Variants in ATRN observed in about 807,000 individuals in gnomAD.
ATRN encodes attractin-2.
Under a neutral mutation model 178.7 loss-of-function variants are expected in ATRN, and 54 were observed. The observed-to-expected ratio is 0.30, with a 90% confidence interval of 0.24 to 0.38. ATRN has a LOEUF of 0.38. Among genes scored for constraint, ATRN ranks in the 10% least tolerant of loss-of-function variants. The probability of loss-of-function intolerance (pLI) is 1.00; values close to 1 mark genes in which losing one functional copy is unlikely to be tolerated. For synonymous variants in ATRN, 636 were observed against 663.0 expected, an observed-to-expected ratio of 0.96 and a Z score of 0.63; for missense variants, 1,443 against 1,815.1, an observed-to-expected ratio of 0.79 and a Z score of 3.73.
chr20:3,565,803 A>G (rs1352626414), intron 11 of ATRN, among the ~76,000 whole-genome samples: 1 of 146,596 alleles, frequency 6.8e-6, no homozygotes, highest in Non-Finnish European at 1.5e-5. Flanking sequence ...TCTCAAAAAA[A>G]AAAAAAAAAA....
chr20:3,563,084 A>G (rs779266968), intron 9 of ATRN, 125 bp from the exon 10 acceptor site: 68 of 813,100 alleles, frequency 8.4e-5, no homozygotes, highest in Non-Finnish European at 1.1e-4. Context: ...TATGTAGGGA[A>G]AACTCTGGAA....
chr20:3,600,515 GGTTTCA>G (rs1478494536), intron 22 of ATRN, among the ~76,000 whole-genome samples: 1 of 152,014 alleles, frequency 6.6e-6, no homozygotes, highest in Non-Finnish European at 1.5e-5. Context: ...GAATTATATG[GGTTTCA>G]GTTATAAATA....
chr20:3,605,026 G>A (rs1254233332), intron 24 of ATRN, among the ~76,000 whole-genome samples: 2 of 152,166 alleles, frequency 1.3e-5, no homozygotes, highest in African/African-American at 2.4e-5. Flanking sequence ...GTTAGGGATA[G>A]GTGGGCTTTC....
intron 2 of ATRN, 95 bp from the exon 3 acceptor site, chr20:3,540,127 A>T: frequency 1.5e-6 from 1 of 677,236 alleles, no homozygotes; most frequent in Non-Finnish European, 2.5e-6. Context: ...AGACTGTGTT[A>T]CATATTATTA....
In ATRN at chr20:3,645,825, C is replaced by A. The variant is rs1181426695; in HGVS notation, c.4166-898C>A. On this transcript the variant is annotated intron_variant, in intron 28 of 28. Transcript: ENST00000262919. This position sits in a 1 kb window ranked among gnomAD's most constrained non-coding sequence, Gnocchi z 4.7. ...TCCACTAACACAACTCCTGGCAGGT[C>A]TCAGCAGAGCTCCGAGCCTGCGCTG... Among the ~76,000 whole-genome samples the A allele has an allele frequency of 1.3e-5, 2 of 151,880 alleles. No individual in the cohort carries two copies. The highest frequency in any genetic ancestry group is 2.9e-5 in the Non-Finnish European group (2 of 68,002).
intron 8 of ATRN, among the ~76,000 whole-genome samples, chr20:3,561,759 GTT>G: frequency 6.6e-6 from 1 of 152,222 alleles, no homozygotes; most frequent in African/African-American, 2.4e-5. Context: ...ACAGGCTCTT[GTT>G]CTCTCACACA....
intron 1 of ATRN, among the ~76,000 whole-genome samples, chr20:3,477,827 C>G (rs181597465): frequency 9.0e-4 from 137 of 152,376 alleles, no homozygotes; most frequent in African/African-American, 3.1e-3. Context: ...ACCCACATGA[C>G]TGCCATATAT....
chr20:3,495,352 G>T (rs929688217), intron 1 of ATRN, among the ~76,000 whole-genome samples: 2 of 152,288 alleles, frequency 1.3e-5, no homozygotes, highest in South Asian at 2.1e-4. Context: ...GGACACCAAT[G>T]CAGTGCTGGA....
chr20:3,495,731 C>A (rs1333883215), intron 1 of ATRN, among the ~76,000 whole-genome samples: 13 of 150,934 alleles, frequency 8.6e-5, no homozygotes, highest in African/African-American at 3.2e-4. Context: ...GGAGGAATAG[C>A]TATGTACTAC....
chr20:3,515,745 T>C (rs2085198120), intron 1 of ATRN, among the ~76,000 whole-genome samples: 1 of 152,172 alleles, frequency 6.6e-6, no homozygotes, highest in South Asian at 2.1e-4. Flanking sequence ...GCAACAGCTC[T>C]TCTGTAAGCT....
Position 3,544,468 on chromosome 20 carries a change from C to T in ATRN, c.609-1294C>T, listed in dbSNP as rs238686. Among the ~76,000 whole-genome samples the T allele has an allele frequency of 8.4e-3, 1,282 of 152,006 alleles. 11 individuals carry two copies. Among genetic ancestry groups the T allele is most frequent in the African/African-American group, 0.017 (718 of 41,434 alleles). ...TGTGTCTGGGACAGATTGCGTAGGG[C>T]CTGGCAAGGATATAGGCTTTTACCA... On this transcript the variant is annotated intron_variant, in intron 3 of 28. Transcript: ENST00000262919.
At chr20:3,486,284 G>A (rs1303609339) in intron 1 of ATRN, among the ~76,000 whole-genome samples, 2 of 152,050 alleles carry the variant, frequency 1.3e-5, no homozygotes, top group African/African-American at 2.4e-5. Context: ...TTTTACCACT[G>A]CCCCATTCCC....
chr20:3,589,354 C>T (rs902965790), intron 18 of ATRN, among the ~76,000 whole-genome samples: 2 of 151,806 alleles, frequency 1.3e-5, no homozygotes, highest in Non-Finnish European at 1.5e-5. Context: ...TCCTGTTTAA[C>T]CTGTTAACGA....
chr20:3,554,304 T>TA (rs1184435239), intron 6 of ATRN, among the ~76,000 whole-genome samples: 24 of 141,622 alleles, frequency 1.7e-4, no homozygotes, highest in Admixed American at 2.9e-4. Flanking sequence ...AGATTACAGA[T>TA]TTTTATTTAT....
intron 22 of ATRN, among the ~76,000 whole-genome samples, chr20:3,599,348 AT>A (rs1249212891): frequency 6.6e-6 from 1 of 152,234 alleles, no homozygotes. Flanking sequence ...AAAAATAAAT[AT>A]AGTAGAATCT....
chr20:3,482,012 TCA>T (rs1405089922), intron 1 of ATRN, among the ~76,000 whole-genome samples: 2 of 151,848 alleles, frequency 1.3e-5, no homozygotes, highest in Non-Finnish European at 2.9e-5. Flanking sequence ...ATTTTTAAAT[TCA>T]CAGATCCTTT....
At chr20:3,571,877 T>C (rs141370091) in intron 11 of ATRN, among the ~76,000 whole-genome samples, 3 of 152,332 alleles carry the variant, frequency 2.0e-5, no homozygotes, top group Admixed American at 1.3e-4. Flanking sequence ...TTCTGGATTT[T>C]AAGTCAGTTT....
chr20:3,592,472 T>C, intron 19 of ATRN: 1 of 978,290 alleles, frequency 1.0e-6, no homozygotes. Context: ...CTGCAAGCAA[T>C]AGGACATTTT....
chr20:3,588,558 G>A (rs1158046466), intron 18 of ATRN, among the ~76,000 whole-genome samples: 1 of 152,134 alleles, frequency 6.6e-6, no homozygotes, highest in Non-Finnish European at 1.5e-5. Flanking sequence ...TTATCATGAT[G>A]TATATTTTTA....
Sources: allele counts gnomAD v4.1 joint callset (sites outside exome capture counted in the v4.1 genomes callset), GRCh38; gene constraint gnomAD v4.1.1; non-coding constraint Gnocchi (gnomAD v3.1); transcripts MANE v1.5; gene names NCBI Gene and HGNC (gene_info 2026-07-23, HGNC 2026-07-21).